The following EYS variants were observed in gnomAD, a reference collection of about 807,000 sequenced individuals.
The protein encoded by EYS is protein eyes shut homolog.
EYS carries 250 observed loss-of-function variants against 282.1 expected under a neutral mutation model. The observed-to-expected ratio is 0.89, with a 90% CI of 0.80 to 0.98. The LOEUF is 0.98. EYS is among the 50% of genes least tolerant of loss of function. EYS has a pLI of 0.00. For synonymous variants in EYS, 1,355 were observed against 1,282.9 expected (o/e 1.06, Z -1.20); for missense variants, 4,016 against 3,709.0 (o/e 1.08, Z -2.15).
intron 12 of EYS, among the ~76,000 whole-genome samples, chr6:65,249,855 C>T (rs1032378576): frequency 6.6e-6 from 1 of 152,010 alleles, no homozygotes; most frequent in African/African-American, 2.4e-5. Context: ...TAATGATAAG[C>T]AAGGTAAACA....
chr6:65,344,014 A>C, intron 10 of EYS, 24 bp downstream of exon 10: 2 of 1,599,540 alleles, frequency 1.3e-6, no homozygotes, highest in South Asian at 1.1e-5. Flanking sequence ...AAAAATGAAA[A>C]GCAACTACAT....
At chr6:64,107,244 G>GATAT (rs142675391) in intron 31 of EYS, among the ~76,000 whole-genome samples, 1,637 of 124,432 alleles carry the variant, frequency 0.013, 31 homozygotes, top group African/African-American at 0.045. Flanking sequence ...ACTAGTAGGA[G>GATAT]ATATATATAT....
At chr6:65,007,303 C>T (rs956361769) in intron 13 of EYS, among the ~76,000 whole-genome samples, 19 of 152,058 alleles carry the variant, frequency 1.2e-4, no homozygotes, top group African/African-American at 4.3e-4. Context: ...GAAACATTTC[C>T]CCCAAGGCAA....
At chr6:64,714,210 T>G (rs1771299397) in intron 22 of EYS, among the ~76,000 whole-genome samples, 1 of 152,166 alleles carries the variant, frequency 6.6e-6, no homozygotes. Flanking sequence ...ATGTAGTGGA[T>G]GAGGGAGTAC....
At chr6:64,140,764 T>A (rs1038870344) in intron 31 of EYS, among the ~76,000 whole-genome samples, 1 of 152,164 alleles carries the variant, frequency 6.6e-6, no homozygotes, top group East Asian at 1.9e-4. Flanking sequence ...CTGGGAATGA[T>A]AAAAAGCTCC....
chr6:64,742,567 A>G (rs539343698), intron 22 of EYS, among the ~76,000 whole-genome samples: 2 of 152,296 alleles, frequency 1.3e-5, no homozygotes, highest in East Asian at 3.9e-4. Context: ...ATTTATGTTA[A>G]ATGTTCTTCA....
chr6:65,653,556 A>C, intron 1 of EYS, among the ~76,000 whole-genome samples: 1 of 151,918 alleles, frequency 6.6e-6, no homozygotes, highest in East Asian at 1.9e-4. Flanking sequence ...TCATTGCCGT[A>C]TTCACAACAT....
intron 13 of EYS, among the ~76,000 whole-genome samples, chr6:65,024,530 C>T (rs1351011137): frequency 1.3e-5 from 2 of 152,156 alleles, no homozygotes; most frequent in African/African-American, 4.8e-5. Flanking sequence ...TTCAGTTTTT[C>T]AGAATTCATG....
intron 31 of EYS, among the ~76,000 whole-genome samples, chr6:64,157,270 C>T (rs942802883): frequency 1.3e-5 from 2 of 152,092 alleles, no homozygotes; most frequent in Non-Finnish European, 2.9e-5. Flanking sequence ...ATATGTTCCA[C>T]ATTTTCTTAA....
intron 22 of EYS, among the ~76,000 whole-genome samples, chr6:64,748,924 C>CA (rs1772652031): frequency 6.6e-6 from 1 of 152,140 alleles, no homozygotes; most frequent in Non-Finnish European, 1.5e-5. Flanking sequence ...AGGGTTGTAC[C>CA]ACAATGCCCA....
chr6:64,037,684 A>G (rs1321865903), intron 33 of EYS, among the ~76,000 whole-genome samples: 1 of 152,220 alleles, frequency 6.6e-6, no homozygotes, highest in Non-Finnish European at 1.5e-5. Flanking sequence ...GAAACAATGA[A>G]TAAACACACA....
chr6:64,751,795 C>T (rs1410516685), intron 22 of EYS, among the ~76,000 whole-genome samples: 2 of 152,170 alleles, frequency 1.3e-5, no homozygotes, highest in Non-Finnish European at 2.9e-5. Flanking sequence ...ATCACAGCCC[C>T]ATATGTGGCA....
intron 2 of EYS, among the ~76,000 whole-genome samples, chr6:65,574,909 A>G (rs1041903195): frequency 6.6e-6 from 1 of 152,202 alleles, no homozygotes; most frequent in African/African-American, 2.4e-5. Flanking sequence ...TTGAAATCAT[A>G]TTAAATATAT....
At chr6:64,983,809 T>C (rs1034226821) in intron 14 of EYS, among the ~76,000 whole-genome samples, 17 of 151,348 alleles carry the variant, frequency 1.1e-4, no homozygotes, top group African/African-American at 3.9e-4. Context: ...GATAATCTCC[T>C]GTACGCTAGT....
intron 12 of EYS, among the ~76,000 whole-genome samples, chr6:65,260,521 A>T (rs539009417): frequency 6.6e-6 from 1 of 152,114 alleles, no homozygotes; most frequent in South Asian, 2.1e-4. Flanking sequence ...TTTTCCATAA[A>T]GCTTTTCTTC....
intron 10 of EYS, among the ~76,000 whole-genome samples, chr6:65,343,539 CTT>C (rs1770276617): frequency 6.6e-6 from 1 of 151,138 alleles, no homozygotes; most frequent in South Asian, 2.1e-4. Flanking sequence ...GAGGGCCTCT[CTT>C]TTATTCTTGC....
chr6:64,870,086 A>T (rs182663876), intron 19 of EYS, among the ~76,000 whole-genome samples: 4 of 151,816 alleles, frequency 2.6e-5, no homozygotes. Context: ...AATCAATCAT[A>T]GTTTCCATGT....
intron 2 of EYS, among the ~76,000 whole-genome samples, chr6:65,635,874 C>T (rs34504729): frequency 0.29 from 44,545 of 152,080 alleles, 6,537 homozygotes; most frequent in South Asian, 0.37. Flanking sequence ...CCTACAATTT[C>T]ATCTCTGCCT....
chr6:65,302,315 A>G (rs1370041019), intron 11 of EYS, among the ~76,000 whole-genome samples: 1 of 152,208 alleles, frequency 6.6e-6, no homozygotes, highest in Non-Finnish European at 1.5e-5. Context: ...TTCGACCTAC[A>G]GGCGTAATAG....
Sources: allele counts gnomAD v4.1 joint callset (sites outside exome capture counted in the v4.1 genomes callset), GRCh38; gene constraint gnomAD v4.1.1; transcripts MANE v1.5; gene names NCBI Gene and HGNC (gene_info 2026-07-23, HGNC 2026-07-21).